The following LINGO2 variants were observed in gnomAD, a reference collection of about 807,000 sequenced individuals.
LINGO2 encodes the protein leucine rich repeat and Ig domain containing 2.
In LINGO2, 14 loss-of-function variants were observed where a neutral mutation model predicts 30.6. The ratio of observed to expected loss-of-function variants is 0.46; its 90% CI spans 0.30 to 0.72. The LOEUF (loss-of-function observed/expected upper bound fraction) is 0.72, where lower values mean the gene tolerates loss of function less well. Ranked by LOEUF, LINGO2 falls within the 30% of genes least tolerant of loss-of-function variation. The pLI, the probability that LINGO2 is intolerant of heterozygous loss-of-function variation, is 0.07. For synonymous variants in LINGO2, 317 were observed against 288.5 expected (o/e 1.10, Z -1.00); for missense variants, 729 against 751.7 (o/e 0.97, Z 0.35).
Position 28,538,402 on chromosome 9 carries a change from G to A in LINGO2, c.-364-62377C>T, listed in dbSNP as rs1821526063. Among the ~76,000 whole-genome samples, 4 of 152,124 alleles carry A rather than the reference G, an allele frequency of 2.6e-5. No homozygotes were observed. In the South Asian group the frequency reaches 8.3e-4, roughly 32 times the overall value. ...TTTTTGTATTTGGAAGAGGTTGATA[G>A]AGATATTCAGTCGTGACAGACATAG... is the stretch of plus-strand genomic sequence containing the variant. On this transcript the variant is annotated intron_variant, in intron 1 of 5. Coordinates refer to ENST00000379992, the Ensembl canonical transcript of LINGO2.
chr9:28,750,030 C>T, the LINGO2 span, among the ~76,000 whole-genome samples: 17 of 152,034 alleles, frequency 1.1e-4, no homozygotes, highest in Non-Finnish European at 2.1e-4. Flanking sequence ...TCTTCTAATG[C>T]CCTGTTGGAG....
At chr9:29,206,516 A>C in the LINGO2 span, among the ~76,000 whole-genome samples, 1 of 152,014 alleles carries the variant, frequency 6.6e-6, no homozygotes, top group Non-Finnish European at 1.5e-5. Flanking sequence ...TTATATATTT[A>C]TTGTTTACTT....
the LINGO2 span, among the ~76,000 whole-genome samples, chr9:28,791,823 T>C: frequency 6.6e-6 from 1 of 151,850 alleles, no homozygotes; most frequent in African/African-American, 2.4e-5. Context: ...AAAAATAATA[T>C]CAGATACATT....
At chr9:28,038,549 C>T (rs561915152) in intron 4 of LINGO2, among the ~76,000 whole-genome samples, 2 of 152,078 alleles carry the variant, frequency 1.3e-5, no homozygotes, top group South Asian at 2.1e-4. Flanking sequence ...AAAAATTAGC[C>T]GGGCGTAGTG....
chr9:28,757,113 C>T, the LINGO2 span, among the ~76,000 whole-genome samples: 9 of 151,894 alleles, frequency 5.9e-5, 2 homozygotes, highest in African/African-American at 2.2e-4. Context: ...TCTATAAATC[C>T]TATAAATGAC....
chr9:28,337,531 G>T (rs1036122242), intron 3 of LINGO2, among the ~76,000 whole-genome samples: 1 of 152,190 alleles, frequency 6.6e-6, no homozygotes, highest in African/African-American at 2.4e-5. Context: ...TCCAGGGCAT[G>T]TCAGAGACCT....
At chr9:28,687,679 T>G in the LINGO2 span, among the ~76,000 whole-genome samples, 3 of 152,088 alleles carry the variant, frequency 2.0e-5, no homozygotes, top group Non-Finnish European at 2.9e-5. Context: ...TCTATGCACA[T>G]GGATACTTAA....
the LINGO2 span, among the ~76,000 whole-genome samples, chr9:28,852,001 A>G: frequency 3.3e-5 from 5 of 151,918 alleles, no homozygotes; most frequent in Non-Finnish European, 5.9e-5. Flanking sequence ...TCCATAAATC[A>G]TTAAGATCCC....
At position 28,233,030 on chromosome 9, in the gene LINGO2, T is replaced by TTATATATATATATATATATA. The variant is rs1554690875; in HGVS notation, c.-87+62158_-87+62177dup. 6.7e-3 allele frequency among the ~76,000 whole-genome samples: 518 copies of TTATATATATATATATATATA among 77,438 alleles called. 7 individuals are homozygous for TTATATATATATATATATATA. The highest frequency in any genetic ancestry group is 7.5e-3 in the Non-Finnish European group (334 of 44,376). 50.8% of individuals were successfully genotyped at this position (77,438 alleles called of 152,430 possible). On this transcript the variant is annotated intron_variant, in intron 4 of 5. Transcript: ENST00000379992. ...CTTCTCATGAGAGAGACAGTAAACA[T>TTATATATATATATATATATA]TATATATATATATATATATATATAT...
chr9:28,761,596 G>A, the LINGO2 span, among the ~76,000 whole-genome samples: 5 of 151,792 alleles, frequency 3.3e-5, no homozygotes, highest in Admixed American at 2.0e-4. Flanking sequence ...AGAAGATAAT[G>A]TCATCATGGC....
the LINGO2 span, among the ~76,000 whole-genome samples, chr9:28,742,886 T>C: frequency 6.6e-6 from 1 of 151,986 alleles, no homozygotes; most frequent in African/African-American, 2.4e-5. Context: ...ATATTTGTTA[T>C]AGGACCAATA....
At chr9:29,014,769 C>T in the LINGO2 span, among the ~76,000 whole-genome samples, 1 of 152,092 alleles carries the variant, frequency 6.6e-6, no homozygotes, top group Admixed American at 6.6e-5. Context: ...GGTGGAACTT[C>T]TCAGACAGAA....
chr9:28,789,403 A>G, the LINGO2 span, among the ~76,000 whole-genome samples: 2 of 152,222 alleles, frequency 1.3e-5, no homozygotes, highest in Admixed American at 1.3e-4. Context: ...TATCTGAAAT[A>G]TAATAAACAG....
intron 4 of LINGO2, among the ~76,000 whole-genome samples, chr9:28,018,343 C>A (rs1373600013): frequency 3.3e-5 from 5 of 152,124 alleles, no homozygotes; most frequent in Non-Finnish European, 7.4e-5. Flanking sequence ...CCAACAACAA[C>A]AAAAATTGAC....
intron 4 of LINGO2, among the ~76,000 whole-genome samples, chr9:28,113,391 C>A (rs1244749394): frequency 1.4e-4 from 12 of 87,326 alleles, no homozygotes; most frequent in African/African-American, 3.6e-4. Flanking sequence ...CTTGGTGATG[C>A]GGGCTCTTTT....
the LINGO2 span, among the ~76,000 whole-genome samples, chr9:29,166,017 G>C: frequency 6.6e-6 from 1 of 152,030 alleles, no homozygotes; most frequent in African/African-American, 2.4e-5. Context: ...TGTATATCAA[G>C]TAATACGTTT....
At chr9:29,034,100 A>G in the LINGO2 span, among the ~76,000 whole-genome samples, 241 of 152,122 alleles carry the variant, frequency 1.6e-3, no homozygotes, top group Non-Finnish European at 2.5e-3. Context: ...AAAGAAACAT[A>G]ATAATCATTA....
chr9:28,808,570 T>C, the LINGO2 span, among the ~76,000 whole-genome samples: 1 of 152,198 alleles, frequency 6.6e-6, no homozygotes, highest in Non-Finnish European at 1.5e-5. Context: ...TACAATTTTA[T>C]AGAATCCCAG....
In LINGO2 at chr9:28,019,803, A is replaced by T. The variant is rs182211147; in HGVS notation, c.-86-7398T>A. Among the ~76,000 whole-genome samples the T allele has an allele frequency of 3.3e-5, 5 of 152,262 alleles. No homozygotes were observed. The East Asian group carries it at 9.7e-4, about 29-fold the overall frequency. On this transcript the variant is annotated intron_variant, in intron 4 of 5. Transcript: ENST00000379992. ...TTATCAAATTCAGGATTTAAGCCTC[A>T]GTTTTTTCACCAATTTAACCAACTT...
Sources: gnomAD v4.1 joint callset for allele counts (sites outside exome capture counted in the v4.1 genomes callset) on GRCh38, gnomAD v4.1.1 for gene constraint, MANE v1.5 for transcripts, NCBI Gene and HGNC (gene_info 2026-07-23, HGNC 2026-07-21) for gene names.